PIEZO2: variants seen among roughly 807,000 people sequenced by gnomAD.
The protein encoded by PIEZO2 is piezo type mechanosensitive ion channel component 2, also known as piezo-type mechanosensitive ion channel component 2.
In PIEZO2, 172 loss-of-function variants were observed where a neutral mutation model predicts 337.3. The observed-to-expected ratio is 0.51, with a 90% CI of 0.45 to 0.58. The LOEUF (loss-of-function observed/expected upper bound fraction) is 0.58. Among genes scored for constraint, PIEZO2 ranks in the 20% least tolerant of loss-of-function variants. The pLI is 0.00. For missense variants in PIEZO2, 3,028 were observed against 3,391.3 expected (o/e 0.89, Z 2.66); for synonymous variants, 1,251 against 1,228.5 (o/e 1.02, Z -0.38).
At chr18:10,851,172 T>TG (rs2041540257) in intron 7 of PIEZO2, among the ~76,000 whole-genome samples, 3 of 118,650 alleles carry the variant, frequency 2.5e-5, no homozygotes, top group Non-Finnish European at 5.2e-5. Context: ...TTTTTTTTTT[T>TG]GCCAGTCTGC....
rs559318015 is a variant in PIEZO2 at position 10,814,260 on chromosome 18, T to A, written c.918-6986A>T. On this transcript the variant is annotated intron_variant, in intron 7 of 55. Transcript: ENST00000674853. ...CTAGGATTACAGGCATGAGCCACCG[T>A]GCCCCGTCCCATACTTTTAATTTAA... Among the ~76,000 whole-genome samples the A allele has an allele frequency of 3.3e-5, 5 of 151,782 alleles. No individual in the cohort carries two copies. The South Asian group carries it at 1.0e-3, about 32-fold the overall frequency.
intron 3 of PIEZO2, among the ~76,000 whole-genome samples, chr18:10,934,682 T>TGTGTGTGTGTGTGTGTGTGTGTG (rs57395445): frequency 1.2e-4 from 17 of 143,106 alleles, no homozygotes; most frequent in African/African-American, 3.4e-4. Context: ...TGTGTGTGTG[T>TGTGTGTGTGTGTGTGTGTGTGTG]TGGGCTCCTT....
At chr18:10,908,659 C>A (rs378170) in intron 4 of PIEZO2, 92,375 of 151,528 alleles carry the variant, frequency 0.61, 28,259 homozygotes, top group East Asian at 0.79. Flanking sequence ...ACGAGAAAAC[C>A]TGAGATGACA....
intron 18 of PIEZO2, among the ~76,000 whole-genome samples, chr18:10,779,745 G>A (rs1406474403): frequency 6.6e-6 from 1 of 152,080 alleles, no homozygotes; most frequent in Non-Finnish European, 1.5e-5. Flanking sequence ...TGGGTAAGGC[G>A]CTGGGGTTAG....
rs2038437093 is a variant in PIEZO2 at position 10,767,986 on chromosome 18, C to A, written c.2946+2162G>T. 6.6e-6 allele frequency among the ~76,000 whole-genome samples: 1 copy of A among 152,192 alleles called. No homozygotes were observed. Among genetic ancestry groups the A allele is most frequent in the African/African-American group, 2.4e-5 (1 of 41,460 alleles). On this transcript the variant is annotated intron_variant, in intron 21 of 55. Transcript: ENST00000674853. The surrounding 1 kb of genome is among the most constrained non-coding windows in gnomAD (Gnocchi z 4.2). The stretch of plus-strand genomic sequence containing the variant: ...TCACAACATCCCCATCCCAGGGGGC[C>A]TTGCCCTGAGCCTGTGAGTCTGAGC...
At chr18:10,797,762 G>T (rs1265564491) in intron 11 of PIEZO2, among the ~76,000 whole-genome samples, 1 of 152,244 alleles carries the variant, frequency 6.6e-6, no homozygotes, top group Non-Finnish European at 1.5e-5. Context: ...AGAAGATACG[G>T]AATGAAGCCT....
At chr18:10,745,232 C>A (rs943432748) in intron 30 of PIEZO2, among the ~76,000 whole-genome samples, 1 of 152,200 alleles carries the variant, frequency 6.6e-6, no homozygotes, top group Non-Finnish European at 1.5e-5. Flanking sequence ...CCCTTCCCCA[C>A]CCATAGCCTG....
In PIEZO2 at chr18:10,746,083, T is replaced by C. The variant is rs2143699533; in HGVS notation, c.4425-1852A>G. Among the ~76,000 whole-genome samples, 1 of 152,334 alleles carries C rather than the reference T, an allele frequency of 6.6e-6. No homozygotes were observed. Among genetic ancestry groups the C allele is most frequent in the Non-Finnish European group, 1.5e-5 (1 of 68,026 alleles). ...CTCAGTGATCCTATCCTGGTCTAGCTGCTATCTCTACCCTGGATTATCATA... is the reference window on the plus strand; with the variant it reads ...CTCAGTGATCCTATCCTGGTCTAGCCGCTATCTCTACCCTGGATTATCATA... On this transcript the variant is annotated intron_variant, in intron 30 of 55. Coordinates refer to ENST00000674853, the MANE Select transcript of PIEZO2 (RefSeq NM_001378183.1). The surrounding 1 kb of genome is among the most constrained non-coding windows in gnomAD (Gnocchi z 4.2).
At chr18:10,849,078 C>T (rs1249636940) in intron 7 of PIEZO2, among the ~76,000 whole-genome samples, 5 of 152,214 alleles carry the variant, frequency 3.3e-5, no homozygotes, top group African/African-American at 4.8e-5. Context: ...ACGATCTCAG[C>T]TCACTGCAAC....
chr18:10,684,951 G>A (rs578089610), intron 49 of PIEZO2, among the ~76,000 whole-genome samples: 29 of 152,208 alleles, frequency 1.9e-4, no homozygotes, highest in Middle Eastern at 3.4e-3. Context: ...CATGGCAGCC[G>A]CTGGTAACTC....
Position 10,705,654 on chromosome 18 carries a change from C to T in PIEZO2, c.5681G>A (p.Ser1894Asn). 2 of 1,537,142 alleles carry T rather than the reference C, an allele frequency of 1.3e-6. No homozygotes were observed. Among genetic ancestry groups the T allele is most frequent in the Non-Finnish European group, 1.7e-6 (2 of 1,146,920 alleles). Residue 1894 changes from serine to asparagine, a missense_variant, in exon 41 of 56, where the codon AGC (serine) becomes AAC (asparagine). Physicochemically the swap from Ser to Asn is conservative, Grantham distance 46. Transcript: ENST00000674853. ...VEAEQEEEAG[S>N]TAPEPREAKE... is the part of the protein sequence containing the mutation. ...GGCCTCCCTGGGCTCAGGCGCCGTGCTCCCTGCCTCCTCCTCCTGCTCAGC... is the reference window on the plus strand; with the variant it reads ...GGCCTCCCTGGGCTCAGGCGCCGTGTTCCCTGCCTCCTCCTCCTGCTCAGC...
Position 10,773,396 on chromosome 18 carries a change from G to A in PIEZO2, c.2785+16C>T, listed in dbSNP as rs1341829021. The A allele has an allele frequency of 4.6e-6, 7 of 1,536,442 alleles. No homozygotes were observed. In the African/African-American group the frequency reaches 5.5e-5, roughly 12 times the overall value. ...GCCAGCGTTCTCTGACCAGCTGCTGGTAGTGGGCTGATTACCTGATGTTTC... is the reference window on the plus strand; with the variant it reads ...GCCAGCGTTCTCTGACCAGCTGCTGATAGTGGGCTGATTACCTGATGTTTC... On this transcript the variant is annotated intron_variant, in intron 20 of 55. Transcript: ENST00000674853. The surrounding 1 kb of genome is among the most constrained non-coding windows in gnomAD (Gnocchi z 5.3).
Position 10,682,737 on chromosome 18 carries a change from A to G in PIEZO2, c.7498-445T>C, listed in dbSNP as rs1331098200. Among the ~76,000 whole-genome samples, 1 of 152,240 alleles carries G rather than the reference A, an allele frequency of 6.6e-6. No homozygotes were observed. Among genetic ancestry groups the G allele is most frequent in the Admixed American group, 6.5e-5 (1 of 15,284 alleles). On this transcript the variant is annotated intron_variant, in intron 49 of 55. Coordinates refer to ENST00000674853, the MANE Select transcript of PIEZO2 (RefSeq NM_001378183.1). This position sits in a 1 kb window ranked among gnomAD's most constrained non-coding sequence, Gnocchi z 5.6. ...ACCCTTCCCTGCCCTTGGAGGGTGA[A>G]AAAACATGATTTTTAATTTAATTCA... is the stretch of plus-strand genomic sequence containing the variant.
chr18:11,037,908 C>T (rs1400959355), intron 2 of PIEZO2, among the ~76,000 whole-genome samples: 4 of 152,294 alleles, frequency 2.6e-5, no homozygotes, highest in African/African-American at 7.2e-5. Context: ...TTTCTGCAAA[C>T]GAATTTTCCT....
chr18:10,702,432 TG>T (rs1169570382), intron 42 of PIEZO2, among the ~76,000 whole-genome samples: 1 of 152,228 alleles, frequency 6.6e-6, no homozygotes, highest in Non-Finnish European at 1.5e-5. Flanking sequence ...GGCACCGCTT[TG>T]ATTAGTCATT....
chr18:10,793,760 G>A (rs1445180966), intron 13 of PIEZO2, among the ~76,000 whole-genome samples: 3 of 152,158 alleles, frequency 2.0e-5, no homozygotes, highest in Non-Finnish European at 4.4e-5. Context: ...AGCAGGCATA[G>A]GAGTTTGGGA....
In PIEZO2 at chr18:10,993,795, G is replaced by C. The variant is rs180965176; in HGVS notation, c.161-14135C>G. On this transcript the variant is annotated intron_variant, in intron 2 of 55. Coordinates refer to ENST00000674853, the MANE Select transcript of PIEZO2 (RefSeq NM_001378183.1). This position sits in a 1 kb window ranked among gnomAD's most constrained non-coding sequence, Gnocchi z 5.0. ...GCCCGCTTCGGCCTCCCAAAGTGCT[G>C]GGATTACAGGCGTGAGCCACCGCTC... is the stretch of plus-strand genomic sequence containing the variant. Among the ~76,000 whole-genome samples, 1 of 152,190 alleles carries C rather than the reference G, an allele frequency of 6.6e-6. No individual in the cohort carries two copies. Among genetic ancestry groups the C allele is most frequent in the African/African-American group, 2.4e-5 (1 of 41,524 alleles).
chr18:10,756,525 G>A (rs528579422), intron 27 of PIEZO2, among the ~76,000 whole-genome samples: 27 of 149,670 alleles, frequency 1.8e-4, no homozygotes, highest in African/African-American at 5.9e-4. Flanking sequence ...GAGGAAGGAA[G>A]GATGAGGATG....
Position 10,724,837 on chromosome 18 carries a change from G to T in PIEZO2, c.5029+6570C>A. The T allele has an allele frequency of 1.9e-6, 3 of 1,597,756 alleles. No individual in the cohort carries two copies. Among genetic ancestry groups the T allele is most frequent in the East Asian group, 2.2e-5 (1 of 44,446 alleles). On this transcript the variant is annotated intron_variant, in intron 36 of 55. Coordinates refer to ENST00000674853, the MANE Select transcript of PIEZO2 (RefSeq NM_001378183.1). This position sits in a 1 kb window ranked among gnomAD's most constrained non-coding sequence, Gnocchi z 5.8. ...GTTCTCACAGATGCACCTGGGCCAC[G>T]GCGGCCACATGCGTCGCAGTGAGAG... is the stretch of plus-strand genomic sequence containing the variant.
Sources: gnomAD v4.1 joint callset for allele counts (sites outside exome capture counted in the v4.1 genomes callset) on GRCh38, gnomAD v4.1.1 for gene constraint, Gnocchi (gnomAD v3.1) non-coding constraint, MANE v1.5 for transcripts, NCBI Gene and HGNC (gene_info 2026-07-23, HGNC 2026-07-21) for gene names.